PAWR: variants seen among roughly 807,000 people sequenced by gnomAD.
PAWR encodes the protein PRKC apoptosis WT1 regulator protein.
A neutral mutation model predicts 32.0 loss-of-function variants in PAWR; 23 were observed. The ratio of observed to expected loss-of-function variants is 0.72; its 90% CI spans 0.52 to 1.02. PAWR has a LOEUF of 1.02. Ranked by LOEUF, PAWR falls within the 50% of genes least tolerant of loss-of-function variation. The pLI is 0.00. For missense variants in PAWR, 457 were observed against 437.7 expected (o/e 1.04, Z -0.39); for synonymous variants, 226 against 187.1 (o/e 1.21, Z -1.70).
chr12:79,668,838 G>C (rs1877743511), intron 2 of PAWR, among the ~76,000 whole-genome samples: 1 of 152,124 alleles, frequency 6.6e-6, no homozygotes, highest in African/African-American at 2.4e-5. Flanking sequence ...CAGGAGCTGG[G>C]GACCCCTGTA....
chr12:79,659,058 G>A (rs1042103821), intron 2 of PAWR, among the ~76,000 whole-genome samples: 4 of 151,976 alleles, frequency 2.6e-5, no homozygotes, highest in Non-Finnish European at 5.9e-5. Context: ...AACACTTTGG[G>A]AGGCCAAGGC....
At chr12:79,672,148 T>C (rs1877935050) in intron 2 of PAWR, among the ~76,000 whole-genome samples, 1 of 152,092 alleles carries the variant, frequency 6.6e-6, no homozygotes, top group Non-Finnish European at 1.5e-5. Context: ...CTCTCCTGTA[T>C]TGCTGTAGTG....
At chr12:79,650,120 G>C (rs1393070150) in intron 2 of PAWR, among the ~76,000 whole-genome samples, 1 of 152,190 alleles carries the variant, frequency 6.6e-6, no homozygotes, top group African/African-American at 2.4e-5. Context: ...CTGCAGCCCA[G>C]GGTTTGAGAA....
intron 4 of PAWR, among the ~76,000 whole-genome samples, chr12:79,605,710 G>A (rs566663484): frequency 2.0e-5 from 3 of 152,196 alleles, no homozygotes; most frequent in African/African-American, 7.2e-5. Flanking sequence ...ACATAATATA[G>A]TATATCCTGC....
intron 2 of PAWR, among the ~76,000 whole-genome samples, chr12:79,670,550 T>C (rs1461186779): frequency 6.6e-6 from 1 of 152,170 alleles, no homozygotes; most frequent in Non-Finnish European, 1.5e-5. Context: ...CTCATTCAAT[T>C]CATTCTGAAA....
chr12:79,591,551 T>A lies in PAWR; in HGVS notation c.*1056A>T, dbSNP rs1873556850. 1 of 152,120 alleles carries A rather than the reference T, an allele frequency of 6.6e-6. No individual in the cohort carries two copies. Among genetic ancestry groups the A allele is most frequent in the Admixed American group, 6.5e-5 (1 of 15,268 alleles). 9.4% of individuals were successfully genotyped at this position (152,120 alleles called of 1,614,324 possible). On this transcript the variant is annotated 3_prime_UTR_variant, in exon 7 of 7. Transcript: ENST00000328827. ...ATAGAAGAAAAAATCTGTATAATTA[T>A]TTAGAAGTAACTCTGTTTTTAAAAT...
At position 79,591,673 on chromosome 12, in the gene PAWR, T is replaced by C. The variant is rs1413192826; in HGVS notation, c.*934A>G. 1 of 152,114 alleles carries C rather than the reference T, an allele frequency of 6.6e-6. No individual in the cohort carries two copies. Among genetic ancestry groups the C allele is most frequent in the Non-Finnish European group, 1.5e-5 (1 of 67,976 alleles). The allele number at this position is 152,114 out of a possible 1,614,324, so 9.4% of individuals were successfully genotyped here. A position where few individuals can be genotyped will look rare whatever the true frequency, so the allele number is the denominator to read the frequency against. ...CAGTGTTATTCTTCAACTTAGAAATTAGGCAAAGTATTTTAGTACTATTTC... is the reference window on the plus strand; with the variant it reads ...CAGTGTTATTCTTCAACTTAGAAATCAGGCAAAGTATTTTAGTACTATTTC... On this transcript the variant is annotated 3_prime_UTR_variant, in exon 7 of 7. Coordinates refer to ENST00000328827, the MANE Select transcript of PAWR (RefSeq NM_002583.4).
intron 2 of PAWR, among the ~76,000 whole-genome samples, chr12:79,652,177 T>A (rs193029870): frequency 8.5e-5 from 13 of 152,288 alleles, no homozygotes; most frequent in African/African-American, 2.9e-4. Context: ...TGGTGATGGT[T>A]ACAAAACAAT....
intron 2 of PAWR, among the ~76,000 whole-genome samples, chr12:79,661,191 G>A (rs1247907263): frequency 6.7e-6 from 1 of 148,690 alleles, no homozygotes; most frequent in Non-Finnish European, 1.5e-5. Context: ...GGAGGTTGCA[G>A]TGAGCTACGA....
intron 4 of PAWR, among the ~76,000 whole-genome samples, chr12:79,600,198 T>C (rs1451054600): frequency 1.3e-5 from 2 of 152,190 alleles, no homozygotes; most frequent in African/African-American, 4.8e-5. Flanking sequence ...ATTACTTCCA[T>C]TGTCATCATT....
At chr12:79,595,232 A>G (rs891760517) in intron 5 of PAWR, among the ~76,000 whole-genome samples, 10 of 152,250 alleles carry the variant, frequency 6.6e-5, no homozygotes, top group African/African-American at 2.2e-4. Flanking sequence ...AGAAGGAACT[A>G]AAATAGATTA....
At chr12:79,608,761 T>C (rs1463730437) in intron 4 of PAWR, among the ~76,000 whole-genome samples, 2 of 152,088 alleles carry the variant, frequency 1.3e-5, no homozygotes, top group African/African-American at 4.8e-5. Context: ...AAAAACATGG[T>C]GGGCCAGGCA....
intron 2 of PAWR, among the ~76,000 whole-genome samples, chr12:79,669,535 CTTCATT>C (rs1877780893): frequency 6.6e-6 from 1 of 151,988 alleles, no homozygotes; most frequent in African/African-American, 2.4e-5. Context: ...ATTATACATA[CTTCATT>C]TTCAAGTCCT....
At chr12:79,633,848 TCTGGTTTAAAAAAAA>T (rs993016231) in intron 2 of PAWR, among the ~76,000 whole-genome samples, 2 of 152,174 alleles carry the variant, frequency 1.3e-5, no homozygotes, top group African/African-American at 4.8e-5. Flanking sequence ...ACATTGTCCT[TCTGGTTTAAAAAAAA>T]ATCCATATAT....
intron 4 of PAWR, among the ~76,000 whole-genome samples, chr12:79,605,706 T>C (rs776070430): frequency 2.0e-5 from 3 of 152,158 alleles, no homozygotes; most frequent in Non-Finnish European, 4.4e-5. Context: ...TAAAACATAA[T>C]ATAGTATATC....
At chr12:79,597,784 A>T (rs906495121) in intron 4 of PAWR, 8 of 152,186 alleles carry the variant, frequency 5.3e-5, no homozygotes, top group African/African-American at 1.9e-4. Flanking sequence ...TGTTTCCTGT[A>T]TTATTCTATT....
intron 2 of PAWR, among the ~76,000 whole-genome samples, chr12:79,670,974 C>T (rs1415267587): frequency 2.0e-5 from 3 of 149,686 alleles, no homozygotes; most frequent in Admixed American, 6.7e-5. Flanking sequence ...AATAGACTGT[C>T]AAGGAAAACC....
chr12:79,685,969 C>CA (rs1375108648), intron 2 of PAWR, among the ~76,000 whole-genome samples: 21 of 152,204 alleles, frequency 1.4e-4, no homozygotes, highest in African/African-American at 5.1e-4. Context: ...AGCTCTAAGT[C>CA]TTCATTTTCT....
intron 2 of PAWR, among the ~76,000 whole-genome samples, chr12:79,630,313 A>AT (rs1309404720): frequency 2.5e-4 from 32 of 129,548 alleles, no homozygotes; most frequent in South Asian, 1.1e-3. Flanking sequence ...ATATATATAT[A>AT]TATTTTTTTT....
Sources: allele counts gnomAD v4.1 joint callset (sites outside exome capture counted in the v4.1 genomes callset), GRCh38; gene constraint gnomAD v4.1.1; transcripts MANE v1.5; gene names NCBI Gene and HGNC (gene_info 2026-07-23, HGNC 2026-07-21).